ANKFN1: variants seen among roughly 807,000 people sequenced by gnomAD.
The protein encoded by ANKFN1 is ankyrin repeat and fibronectin type-III domain-containing protein 1.
ANKFN1 carries 74 observed loss-of-function variants against 108.7 expected under a neutral mutation model. The observed-to-expected ratio is 0.68, with a 90% CI of 0.56 to 0.83. The LOEUF (loss-of-function observed/expected upper bound fraction) is 0.83, where lower values mean the gene tolerates loss of function less well. Among genes scored for constraint, ANKFN1 ranks in the 40% least tolerant of loss-of-function variants. The pLI is 0.00. For missense variants in ANKFN1, 1,505 were observed against 1,382.3 expected (o/e 1.09, Z -1.41); for synonymous variants, 547 against 516.2 (o/e 1.06, Z -0.81).
intron 8 of ANKFN1, among the ~76,000 whole-genome samples, chr17:56,433,991 G>T (rs2048848980): frequency 6.6e-6 from 1 of 152,124 alleles, no homozygotes; most frequent in Non-Finnish European, 1.5e-5. Context: ...AGCCAAGATT[G>T]TGCCACTACA....
chr17:56,075,967 G>T (rs1161808640), intron 4 of ANKFN1, among the ~76,000 whole-genome samples: 2 of 152,112 alleles, frequency 1.3e-5, no homozygotes, highest in Non-Finnish European at 2.9e-5. Flanking sequence ...TTCAGAAAAT[G>T]CTGGTTCTCA....
chr17:56,061,428 T>G (rs764231483), intron 4 of ANKFN1, among the ~76,000 whole-genome samples: 56 of 151,912 alleles, frequency 3.7e-4, no homozygotes, highest in Non-Finnish European at 7.4e-4. Flanking sequence ...CCTGCCACCA[T>G]GCCCAGCTAA....
chr17:56,326,485 T>C, intron 4 of ANKFN1, 130 bp downstream of exon 4: 1 of 1,193,578 alleles, frequency 8.4e-7, no homozygotes, highest in Non-Finnish European at 1.1e-6. Context: ...CAAAGTTAGC[T>C]GCAGGTGGTC....
intron 4 of ANKFN1, among the ~76,000 whole-genome samples, chr17:56,113,265 T>C (rs973424575): frequency 6.6e-6 from 1 of 152,174 alleles, no homozygotes; most frequent in African/African-American, 2.4e-5. Flanking sequence ...ATCTTTAGGA[T>C]TTTTGGGTAA....
chr17:56,499,230 AAC>A, intron 20 of ANKFN1, 132 bp downstream of exon 20: 1 of 835,138 alleles, frequency 1.2e-6, no homozygotes, highest in Admixed American at 2.7e-5. Flanking sequence ...GTAAGAGTCT[AAC>A]AGCATAGAGG....
chr17:56,457,261 C>A lies in ANKFN1; in HGVS notation c.1312C>A (p.Leu438Ile). 6.4e-7 allele frequency: 1 copy of A among 1,564,270 alleles called. No individual in the cohort carries two copies. The highest frequency in any genetic ancestry group is 1.4e-5 in the African/African-American group (1 of 72,542). The change falls in exon 13 of 21, where the codon CTC (leucine) becomes ATC (isoleucine). Residue 438 changes from leucine to isoleucine, a missense_variant. Physicochemically the swap from Leu to Ile is conservative, Grantham distance 5 (BLOSUM62 2). Transcript: ENST00000682825. ...TATTTTCCTTTTTCTTTTTAGGGGA[C>A]TCTACATAGCCGTTATATTTTATTA... ...NKFVKTLKRGLYIAVIFYYKD... is the reference protein window; with the variant it reads ...NKFVKTLKRGIYIAVIFYYKD...
intron 1 of ANKFN1, among the ~76,000 whole-genome samples, chr17:56,199,684 A>T (rs1187283158): frequency 6.6e-6 from 1 of 152,184 alleles, no homozygotes; most frequent in Non-Finnish European, 1.5e-5. Flanking sequence ...TAGTCTGTCG[A>T]GGTGTACCAG....
At chr17:56,433,830 T>TAAA (rs531675598) in intron 8 of ANKFN1, among the ~76,000 whole-genome samples, 10 of 143,598 alleles carry the variant, frequency 7.0e-5, no homozygotes, top group Non-Finnish European at 9.3e-5. Context: ...CCTATGGAAA[T>TAAA]AAAAAAAAAA....
intron 4 of ANKFN1, among the ~76,000 whole-genome samples, chr17:56,101,297 T>C (rs1598095341): frequency 2.0e-5 from 3 of 152,218 alleles, no homozygotes; most frequent in Admixed American, 2.0e-4. Flanking sequence ...CCTCCCCACT[T>C]CTTCTTTACC....
chr17:56,481,204 A>G (rs1372770940), intron 17 of ANKFN1, among the ~76,000 whole-genome samples: 1 of 152,160 alleles, frequency 6.6e-6, no homozygotes, highest in Non-Finnish European at 1.5e-5. Context: ...TGTACAAATG[A>G]TTTCTCTAAG....
chr17:56,094,895 A>C (rs553862941), intron 4 of ANKFN1, among the ~76,000 whole-genome samples: 1 of 151,140 alleles, frequency 6.6e-6, no homozygotes, highest in South Asian at 2.1e-4. Context: ...GCTATTCAGA[A>C]TGAAATTAGC....
intron 8 of ANKFN1, among the ~76,000 whole-genome samples, chr17:56,402,666 T>TTTTGTTTG (rs199550559): frequency 6.6e-6 from 1 of 151,914 alleles, no homozygotes; most frequent in Non-Finnish European, 1.5e-5. Context: ...TGTTTTGTAT[T>TTTTGTTTG]TTTGTTTGTT....
intron 3 of ANKFN1, among the ~76,000 whole-genome samples, chr17:56,271,302 G>A (rs1484029473): frequency 6.6e-6 from 1 of 152,130 alleles, no homozygotes; most frequent in African/African-American, 2.4e-5. Flanking sequence ...ACCATGCCTG[G>A]CCTATATGGT....
At chr17:56,152,702 G>A (rs2041711776), upstream of ANKFN1, among the ~76,000 whole-genome samples, 1 of 152,170 alleles carries the variant, frequency 6.6e-6, no homozygotes, top group African/African-American at 2.4e-5. Flanking sequence ...CACTGTGCCA[G>A]GCACTAGGTG....
chr17:56,262,256 C>T (rs1190217791), intron 3 of ANKFN1, among the ~76,000 whole-genome samples: 1 of 152,208 alleles, frequency 6.6e-6, no homozygotes, highest in Admixed American at 6.5e-5. Flanking sequence ...CTCTTCCTTC[C>T]ATCTGGGGCA....
chr17:56,307,839 C>T (rs141055517), intron 3 of ANKFN1, among the ~76,000 whole-genome samples: 404 of 152,138 alleles, frequency 2.7e-3, no homozygotes, highest in Non-Finnish European at 4.8e-3. Flanking sequence ...AAATGTCCAA[C>T]AATGATAGAC....
intron 1 of ANKFN1, among the ~76,000 whole-genome samples, chr17:56,170,807 T>TATATACACACAC (rs1361307404): frequency 9.8e-5 from 6 of 61,460 alleles, no homozygotes; most frequent in East Asian, 9.8e-4. Flanking sequence ...TATATATATA[T>TATATACACACAC]ACACACACAC....
chr17:56,490,574 C>G (rs930340810), intron 18 of ANKFN1, among the ~76,000 whole-genome samples: 2 of 152,044 alleles, frequency 1.3e-5, no homozygotes, highest in African/African-American at 4.8e-5. Context: ...TGGATTTTGT[C>G]CTCAGGTCCA....
At chr17:56,050,786 ACACCT>A (rs1335967385) in intron 4 of ANKFN1, among the ~76,000 whole-genome samples, 1 of 152,174 alleles carries the variant, frequency 6.6e-6, no homozygotes, top group Non-Finnish European at 1.5e-5. Flanking sequence ...AATACTACAA[ACACCT>A]CTACGCAAAT....
Sources: gnomAD v4.1 joint callset for allele counts (sites outside exome capture counted in the v4.1 genomes callset) on GRCh38, gnomAD v4.1.1 for gene constraint, MANE v1.5 for transcripts, NCBI Gene and HGNC (gene_info 2026-07-23, HGNC 2026-07-21) for gene names.